KCNB2: variants seen among roughly 807,000 people sequenced by gnomAD.
KCNB2 encodes delayed rectifier potassium channel protein.
A neutral mutation model predicts 61.5 loss-of-function variants in KCNB2; 15 were observed. That is an observed-to-expected ratio of 0.24 (90% CI 0.16 to 0.38). KCNB2 has a LOEUF of 0.38. Among genes scored for constraint, KCNB2 ranks in the 10% least tolerant of loss-of-function variants. The pLI is 1.00. For synonymous variants in KCNB2, 457 were observed against 446.0 expected, an observed-to-expected ratio of 1.02 and a Z score of -0.31; for missense variants, 828 against 1,125.2, an observed-to-expected ratio of 0.74 and a Z score of 3.78.
chr8:72,677,841 A>G (rs1328619361), intron 2 of KCNB2, among the ~76,000 whole-genome samples: 1 of 152,220 alleles, frequency 6.6e-6, no homozygotes, highest in Non-Finnish European at 1.5e-5. Flanking sequence ...CCTGGACCTA[A>G]TAAGATGCTC....
rs551581978 is a variant in KCNB2, at chr8:72,819,329, C to G, written c.580-116606C>G. Among the ~76,000 whole-genome samples, 75 of 152,176 alleles carry G rather than the reference C, an allele frequency of 4.9e-4. 2 individuals carry two copies. In the South Asian group the frequency reaches 0.015, roughly 31 times the overall value. On this transcript the variant is annotated intron_variant, in intron 2 of 2. Transcript: ENST00000523207. ...TGCTAATCCAAATTCAGAAATAGCA[C>G]CCAATCCAGAGGTGATCCCCATTCA...
intron 2 of KCNB2, among the ~76,000 whole-genome samples, chr8:72,636,578 T>C (rs1805970084): frequency 6.6e-6 from 1 of 152,148 alleles, no homozygotes; most frequent in African/African-American, 2.4e-5. Context: ...TTATGATCCC[T>C]GTTATACTGC....
chr8:72,857,409 A>T (rs1810223123), intron 2 of KCNB2, among the ~76,000 whole-genome samples: 1 of 152,226 alleles, frequency 6.6e-6, no homozygotes, highest in African/African-American at 2.4e-5. Flanking sequence ...GGCTTCCAGA[A>T]GCTAGCCCTT....
At chr8:72,871,464 C>A (rs1805613530) in intron 2 of KCNB2, among the ~76,000 whole-genome samples, 1 of 152,170 alleles carries the variant, frequency 6.6e-6, no homozygotes, top group Admixed American at 6.5e-5. Context: ...AACTAATAAT[C>A]CATAAATATA....
chr8:72,899,547 A>G (rs1031919585), intron 2 of KCNB2, among the ~76,000 whole-genome samples: 1 of 152,232 alleles, frequency 6.6e-6, no homozygotes, highest in African/African-American at 2.4e-5. Context: ...TATCAAATCA[A>G]TGTACAAAAA....
At chr8:72,669,407 A>C (rs1264630677) in intron 2 of KCNB2, among the ~76,000 whole-genome samples, 1 of 152,244 alleles carries the variant, frequency 6.6e-6, no homozygotes, top group Non-Finnish European at 1.5e-5. Flanking sequence ...TGATGACTAT[A>C]AAAATAACTG....
At chr8:72,831,192 C>A (rs1809688140) in intron 2 of KCNB2, among the ~76,000 whole-genome samples, 1 of 152,190 alleles carries the variant, frequency 6.6e-6, no homozygotes, top group Non-Finnish European at 1.5e-5. Context: ...TGCACTTTTA[C>A]CCCCACAGCA....
intron 2 of KCNB2, among the ~76,000 whole-genome samples, chr8:72,838,387 T>G (rs1437211766): frequency 6.6e-6 from 1 of 152,206 alleles, no homozygotes; most frequent in Non-Finnish European, 1.5e-5. Flanking sequence ...CTTGTGATAG[T>G]TTGCTGAGAA....
chr8:72,561,765 A>AAG (rs1563523574), intron 1 of KCNB2, among the ~76,000 whole-genome samples: 3 of 28,396 alleles, frequency 1.1e-4, no homozygotes, highest in East Asian at 2.7e-3. Context: ...ATATATGGAT[A>AAG]TATATATATA....
At chr8:72,804,428 T>C (rs1417587796) in intron 2 of KCNB2, among the ~76,000 whole-genome samples, 1 of 152,050 alleles carries the variant, frequency 6.6e-6, no homozygotes, top group Non-Finnish European at 1.5e-5. Flanking sequence ...CATTTGGAAA[T>C]AGGATCACAA....
chr8:72,765,590 T>C (rs925814488), intron 2 of KCNB2, among the ~76,000 whole-genome samples: 5 of 152,216 alleles, frequency 3.3e-5, no homozygotes, highest in African/African-American at 1.2e-4. Flanking sequence ...ATAAGTTTAA[T>C]GGAAAATAGT....
In KCNB2 at chr8:72,829,835, T is replaced by A. The variant is rs1809661187; in HGVS notation, c.580-106100T>A. On this transcript the variant is annotated intron_variant, in intron 2 of 2. Coordinates refer to ENST00000523207, the MANE Select transcript of KCNB2 (RefSeq NM_004770.3). Reference sequence around the variant, plus strand: ...TCTGAAATTAAAATGTCTTACTGATTCTTTTTATTATGTGCTCGGCCTTCA... The same window carrying A: ...TCTGAAATTAAAATGTCTTACTGATACTTTTTATTATGTGCTCGGCCTTCA... Among the ~76,000 whole-genome samples the A allele has an allele frequency of 2.0e-5, 3 of 152,178 alleles. No homozygotes were observed. The South Asian group carries it at 6.2e-4, about 32-fold the overall frequency.
intron 2 of KCNB2, among the ~76,000 whole-genome samples, chr8:72,734,932 G>C (rs1302793993): frequency 6.6e-6 from 1 of 152,194 alleles, no homozygotes; most frequent in African/African-American, 2.4e-5. Context: ...TGTACTGTAA[G>C]AAGTGCGTTT....
intron 2 of KCNB2, among the ~76,000 whole-genome samples, chr8:72,654,016 A>G (rs140726792): frequency 1.8e-4 from 28 of 152,272 alleles, no homozygotes; most frequent in African/African-American, 5.8e-4. Context: ...AGATTAGAGA[A>G]TGCACTTTTT....
At chr8:72,762,882 AATATAT>A (rs10551590) in intron 2 of KCNB2, among the ~76,000 whole-genome samples, 4 of 141,608 alleles carry the variant, frequency 2.8e-5, no homozygotes, top group Admixed American at 7.1e-5. Context: ...CATATTAACA[AATATAT>A]ATATATATAT....
At chr8:72,774,260 C>T (rs1319632222) in intron 2 of KCNB2, among the ~76,000 whole-genome samples, 1 of 152,140 alleles carries the variant, frequency 6.6e-6, no homozygotes, top group African/African-American at 2.4e-5. Flanking sequence ...CCATTCTGCC[C>T]ATTTTTCTTA....
intron 2 of KCNB2, among the ~76,000 whole-genome samples, chr8:72,753,549 G>A (rs942029506): frequency 1.3e-5 from 2 of 152,198 alleles, no homozygotes; most frequent in Admixed American, 1.3e-4. Context: ...AGAAGAGGAT[G>A]TAACCAATTG....
Position 72,929,384 on chromosome 8 carries a change from C to T in KCNB2, c.580-6551C>T, listed in dbSNP as rs189277598. ...CTCTTCTGAACTCCCTGTGATCCTG[C>T]GTATGTCTGTGTCTAAGTGAAGAAA... On this transcript the variant is annotated intron_variant, in intron 2 of 2. Transcript: ENST00000523207. Among the ~76,000 whole-genome samples, 22 of 152,198 alleles carry T rather than the reference C, an allele frequency of 1.4e-4. No individual in the cohort carries two copies. The East Asian group carries it at 4.2e-3, about 29-fold the overall frequency.
chr8:72,685,165 AG>A (rs1222503654), intron 2 of KCNB2, among the ~76,000 whole-genome samples: 1 of 152,206 alleles, frequency 6.6e-6, no homozygotes, highest in Non-Finnish European at 1.5e-5. Context: ...CAACTGTGGC[AG>A]GCCATATAGA....
Sources: allele counts gnomAD v4.1 joint callset (sites outside exome capture counted in the v4.1 genomes callset), GRCh38; gene constraint gnomAD v4.1.1; transcripts MANE v1.5; gene names NCBI Gene and HGNC (gene_info 2026-07-23, HGNC 2026-07-21).